Variants in PLXNB1 observed in about 807,000 individuals in gnomAD.
PLXNB1 encodes the protein plexin B1, also known as plexin-B1.
In PLXNB1, 106 loss-of-function variants were observed where a neutral mutation model predicts 209.4. The ratio of observed to expected loss-of-function variants is 0.51; its 90% CI spans 0.43 to 0.59. The LOEUF (loss-of-function observed/expected upper bound fraction) is 0.59. Ranked by LOEUF, PLXNB1 falls within the 20% of genes least tolerant of loss-of-function variation. The pLI, the probability that PLXNB1 is intolerant of heterozygous loss-of-function variation, is 0.00. For missense variants in PLXNB1, 2,357 were observed against 2,853.2 expected, an observed-to-expected ratio of 0.83 and a Z score of 3.96; for synonymous variants, 1,167 against 1,183.2, an observed-to-expected ratio of 0.99 and a Z score of 0.28.
rs368105449 is a variant in PLXNB1, at chr3:48,428,567, C to G, written c.-60+1441G>C. On this transcript the variant is annotated intron_variant, in intron 1 of 37. Coordinates refer to ENST00000296440, the MANE Select transcript of PLXNB1 (RefSeq NM_001130082.3). ...CCGCACCTGCAGAGGGGCCATAGGA[C>G]AGCCCACATTTGCCTTGCCTGCCAG... Among the ~76,000 whole-genome samples, 387 of 152,334 alleles carry G rather than the reference C, an allele frequency of 2.5e-3. 14 individuals are homozygous for G. The South Asian group carries it at 0.076, about 30-fold the overall frequency.
chr3:48,405,125 G>T lies in PLXNB1; in HGVS notation c.6304-535C>A, dbSNP rs2037235864. 6.6e-6 allele frequency among the ~76,000 whole-genome samples: 1 copy of T among 152,200 alleles called. No individual in the cohort carries two copies. Among genetic ancestry groups the T allele is most frequent in the South Asian group, 2.1e-4 (1 of 4,830 alleles). ...CTGCCTCCCCCAAGCCCCGTGCCAT[G>T]GCCCACACCATGCCGAGGAAGGCTG... On this transcript the variant is annotated intron_variant, in intron 37 of 37. Coordinates refer to ENST00000296440, the MANE Select transcript of PLXNB1 (RefSeq NM_001130082.3). The surrounding 1 kb of genome is among the most constrained non-coding windows in gnomAD (Gnocchi z 5.0).
At position 48,413,866 on chromosome 3, in the gene PLXNB1, C is replaced by T. The variant is rs927480779; in HGVS notation, c.4386+29G>A. 1 of 1,606,608 alleles carries T rather than the reference C, an allele frequency of 6.2e-7. No homozygotes were observed. Among genetic ancestry groups the T allele is most frequent in the Non-Finnish European group, 8.5e-7 (1 of 1,174,726 alleles). On this transcript the variant is annotated intron_variant, in intron 22 of 37. Transcript: ENST00000296440. This position sits in a 1 kb window ranked among gnomAD's most constrained non-coding sequence, Gnocchi z 5.4. ...GCAAGGGTTTGGCCCAGGTCAATGC[C>T]CAGCCCGGCCAGGGACCTGCCCACT...
At position 48,419,714 on chromosome 3, in the gene PLXNB1, C is replaced by G. The variant is rs1308020966; in HGVS notation, c.2572G>C (p.Gly858Arg). 1.2e-6 allele frequency: 2 copies of G among 1,611,742 alleles called. No homozygotes were observed. Among genetic ancestry groups the G allele is most frequent in the Non-Finnish European group, 8.5e-7 (1 of 1,179,718 alleles). ...GAAGTGGAGAAGGCGGGTGCGTCAC[C>G]CCCCGTCCACTCGTCCGCCTCGGGC... ...ELPEADEWTG[G>R]DAPAFSTSTL... is the part of the protein sequence containing the mutation. Residue 858 changes from glycine to arginine, a missense_variant, in exon 11 of 38, where the codon GGT becomes CGT. By Grantham distance (125) the Gly-to-Arg change is moderately radical. Coordinates refer to ENST00000296440, the MANE Select transcript of PLXNB1 (RefSeq NM_001130082.3). The surrounding 1 kb of genome is among the most constrained non-coding windows in gnomAD (Gnocchi z 5.7).
At position 48,421,359 on chromosome 3, in the gene PLXNB1, GGC is replaced by G; in HGVS notation, c.1677_1678del (p.Pro560ThrfsTer34). 1 of 1,556,182 alleles carries G rather than the reference GGC, an allele frequency of 6.4e-7. No individual in the cohort carries two copies. The highest frequency in any genetic ancestry group is 1.4e-5 in the African/African-American group (1 of 73,414). Reference sequence around the variant, plus strand: ...ATATGACTCCCCTGGCCACAGGGGTGGCAGGTCTGGCACTGATAGGAAAACCT... The same window carrying G: ...ATATGACTCCCCTGGCCACAGGGGTGAGGTCTGGCACTGATAGGAAAACCT... On this transcript the variant is annotated frameshift_variant, in exon 8 of 38. Coordinates refer to ENST00000296440, the MANE Select transcript of PLXNB1 (RefSeq NM_001130082.3). LOFTEE classifies it high-confidence loss of function.
rs749498138 is a variant in PLXNB1 at position 48,414,870 on chromosome 3, G to C, written c.4138C>G (p.Leu1380Val). Residue 1380 changes from leucine (L) to valine (V), a missense_variant, in exon 21 of 38, where the codon CTG (leucine) becomes GTG (valine). Around this residue, in one of 7 missense-constraint regions of PLXNB1, gnomAD observed 743 missense variants for 896.2 expected, o/e 0.83. Coordinates refer to ENST00000296440, the MANE Select transcript of PLXNB1 (RefSeq NM_001130082.3). ...TPFSYEADPT[L>V]QPLNPEDPTM... ...GGGTCCTCAGGGTTGAGTGGCTGCAGGGTGGGGTCGGCCTCATAGGAGAAA... is the reference window on the plus strand; with the variant it reads ...GGGTCCTCAGGGTTGAGTGGCTGCACGGTGGGGTCGGCCTCATAGGAGAAA... The C allele has an allele frequency of 3.7e-6, 6 of 1,614,084 alleles. No individual in the cohort carries two copies. Among genetic ancestry groups the C allele is most frequent in the Non-Finnish European group, 5.1e-6 (6 of 1,180,038 alleles).
rs2038315300 is a variant in PLXNB1 at position 48,419,154 on chromosome 3, C to T, written c.2832+90G>A. On this transcript the variant is annotated intron_variant, in intron 12 of 37. Transcript: ENST00000296440. This position sits in a 1 kb window ranked among gnomAD's most constrained non-coding sequence, Gnocchi z 5.7. ...TCTGGGTTGGAGTTGAGCCCTCGGA[C>T]TCTGCCCTCCTCCTGCTCCCCAGGG... 1 of 1,557,600 alleles carries T rather than the reference C, an allele frequency of 6.4e-7. No homozygotes were observed. Among genetic ancestry groups the T allele is most frequent in the Non-Finnish European group, 8.7e-7 (1 of 1,146,696 alleles).
chr3:48,422,299 C>A, intron 5 of PLXNB1, 32 bp downstream of exon 5: 2 of 1,610,696 alleles, frequency 1.2e-6, no homozygotes, highest in Non-Finnish European at 1.7e-6. Context: ...CCCCTCCCAG[C>A]AGCCATGCCC....
At position 48,424,598 on chromosome 3, in the gene PLXNB1, C is replaced by A. The variant is rs2038783671; in HGVS notation, c.14G>T (p.Gly5Val). 6.5e-7 allele frequency: 1 copy of A among 1,539,132 alleles called. No individual in the cohort carries two copies. Among genetic ancestry groups the A allele is most frequent in the Non-Finnish European group, 8.7e-7 (1 of 1,147,382 alleles). The change falls in exon 3 of 38, where the codon GGC (glycine) becomes GTC (valine). Residue 5 changes from glycine to valine, a missense_variant. Transcript: ENST00000296440. ...CCAGAGAGCCTGGAGAAGAGCTGGG[C>A]CCAGAGCAGGCATGGTCACCTGGCA... Reference protein sequence around the residue: MPALGPALLQALWAG... With the variant: MPALVPALLQALWAG...
In PLXNB1 at chr3:48,413,734, C is replaced by A. The variant is rs756068726; in HGVS notation, c.4471G>T (p.Val1491Leu). 1.9e-6 allele frequency: 3 copies of A among 1,613,654 alleles called. No homozygotes were observed. In the African/African-American group the frequency reaches 4.0e-5, roughly 22 times the overall value. ...AGAGAGGTGCCCACCCCCAAGCCCA[C>A]CTGGGCTGCCACAGGAAAAGCCCCA... ...SPGAFPVAAQ[V>L]GLGVGTSLLA... is the part of the protein sequence containing the mutation. The change falls in exon 23 of 38, where the codon GTG becomes TTG. Residue 1491 changes from valine to leucine, a missense_variant. This residue lies in a region of PLXNB1 where 743 missense variants were observed against 896.2 expected (regional missense o/e 0.83). Transcript: ENST00000296440. The surrounding 1 kb of genome is among the most constrained non-coding windows in gnomAD (Gnocchi z 5.4).
chr3:48,430,308 C>T (rs908220348), upstream of PLXNB1, among the ~76,000 whole-genome samples: 3 of 152,262 alleles, frequency 2.0e-5, no homozygotes, highest in Non-Finnish European at 4.4e-5. Flanking sequence ...GGCTCACTTC[C>T]TTCCTTTCTT....
At position 48,410,877 on chromosome 3, in the gene PLXNB1, G is replaced by T; in HGVS notation, c.5407C>A (p.Leu1803Ile). ...CTCTCCACGCCCTCACCAACATCAA[G>T]GGTGCGAGGGTCTGGCCGCTGGGTG... ...PLTQRPDPRT[L>I]DVEWRSGVAG... is the part of the protein sequence containing the mutation. The change falls in exon 29 of 38, where the codon CTT (leucine) becomes ATT (isoleucine). Residue 1803 changes from leucine to isoleucine, a missense_variant. By Grantham distance (5) the Leu-to-Ile change is conservative. Transcript: ENST00000296440. This position sits in a 1 kb window ranked among gnomAD's most constrained non-coding sequence, Gnocchi z 6.4. 1 of 1,610,886 alleles carries T rather than the reference G, an allele frequency of 6.2e-7. No individual in the cohort carries two copies. The highest frequency in any genetic ancestry group is 8.5e-7 in the Non-Finnish European group (1 of 1,178,700).
rs1457783367 is a variant in PLXNB1, at chr3:48,404,481, G to A, written c.*5C>T. The A allele has an allele frequency of 6.2e-7, 1 of 1,600,774 alleles. No homozygotes were observed. The highest frequency in any genetic ancestry group is 8.6e-7 in the Non-Finnish European group (1 of 1,169,230). ...AAGCAACAGCAGGCCGTGGCTCCTG[G>A]GTTCCTATAGATCTGTGACCTTGTT... On this transcript the variant is annotated 3_prime_UTR_variant, in exon 38 of 38. Coordinates refer to ENST00000296440, the MANE Select transcript of PLXNB1 (RefSeq NM_001130082.3).
In PLXNB1 at chr3:48,406,295, C is replaced by G. The variant is rs2037312035; in HGVS notation, c.6229-497G>C. 6.6e-6 allele frequency among the ~76,000 whole-genome samples: 1 copy of G among 152,250 alleles called. No individual in the cohort carries two copies. The highest frequency in any genetic ancestry group is 2.4e-5 in the African/African-American group (1 of 41,458). ...GGACGATGGAATTGGTGTCACCTAGCTTGTGGAGTTCTTGTGAGGATCAAA... is the reference window on the plus strand; with the variant it reads ...GGACGATGGAATTGGTGTCACCTAGGTTGTGGAGTTCTTGTGAGGATCAAA... On this transcript the variant is annotated intron_variant, in intron 36 of 37. Transcript: ENST00000296440. The surrounding 1 kb of genome is among the most constrained non-coding windows in gnomAD (Gnocchi z 4.4).
At position 48,419,731 on chromosome 3, in the gene PLXNB1, G is replaced by A. The variant is rs1425384726; in HGVS notation, c.2555C>T (p.Ala852Val). 21 of 1,610,698 alleles carry A rather than the reference G, an allele frequency of 1.3e-5. No homozygotes were observed. Among genetic ancestry groups the A allele is most frequent in the East Asian group, 2.2e-5 (1 of 44,820 alleles). The change falls in exon 11 of 38, where the codon GCG (alanine) becomes GTG (valine). Residue 852 changes from alanine (A) to valine (V), a missense_variant. Ala to Val is a moderately conservative substitution (Grantham distance 64). Around this residue, in one of 7 missense-constraint regions of PLXNB1, gnomAD observed 410 missense variants for 401.0 expected, o/e 1.02. Transcript: ENST00000296440. This position sits in a 1 kb window ranked among gnomAD's most constrained non-coding sequence, Gnocchi z 5.7. ...TGCGTCACCCCCCGTCCACTCGTCC[G>A]CCTCGGGCAGCTCGCCGCCTTCTCT... Reference protein sequence around the residue: ...LTREGGELPEADEWTGGDAPA... With the variant: ...LTREGGELPEVDEWTGGDAPA...
chr3:48,404,693 A>T, intron 37 of PLXNB1, 103 bp from the exon 38 acceptor site: 1 of 721,040 alleles, frequency 1.4e-6, no homozygotes, highest in Non-Finnish European at 2.3e-6. Flanking sequence ...GTGGGGTAGG[A>T]GGCCAAGAAA....
Position 48,424,337 on chromosome 3 carries a change from T to C in PLXNB1, c.275A>G (p.Gln92Arg). ...PVMPDECPQA[Q>R]PTNNPNQLLL... ...CAGCTGATTCGGGTTGTTGGTAGGCTGGGCCTGGGGGCACTCATCAGGCAT... is the reference window on the plus strand; with the variant it reads ...CAGCTGATTCGGGTTGTTGGTAGGCCGGGCCTGGGGGCACTCATCAGGCAT... The change falls in exon 3 of 38, where the codon CAG becomes CGG. Residue 92 changes from glutamine to arginine, a missense_variant. Gln to Arg is a conservative substitution (Grantham distance 43). Coordinates refer to ENST00000296440, the MANE Select transcript of PLXNB1 (RefSeq NM_001130082.3). 6.4e-7 allele frequency: 1 copy of C among 1,555,530 alleles called. No individual in the cohort carries two copies. Among genetic ancestry groups the C allele is most frequent in the South Asian group, 1.2e-5 (1 of 84,446 alleles).
At position 48,413,568 on chromosome 3, in the gene PLXNB1, A is replaced by T. The variant is rs1434180727; in HGVS notation, c.4535+102T>A. 1.6e-6 allele frequency: 2 copies of T among 1,249,310 alleles called. 1 individual carries two copies. The highest frequency in any genetic ancestry group is 3.1e-5 in the South Asian group (2 of 64,556). The allele number at this position is 1,249,310 out of a possible 1,614,324, so 77.4% of individuals were successfully genotyped here. On this transcript the variant is annotated intron_variant, in intron 23 of 37. Coordinates refer to ENST00000296440, the MANE Select transcript of PLXNB1 (RefSeq NM_001130082.3). The surrounding 1 kb of genome is among the most constrained non-coding windows in gnomAD (Gnocchi z 5.4). The stretch of plus-strand genomic sequence containing the variant: ...AAGCGAAAATATTTACTCTCTGGCC[A>T]TTTACAGAGAATGTTTCCTGACTCC...
rs1244187902 is a variant in PLXNB1 at position 48,424,474 on chromosome 3, G to A, written c.138C>T (p.Thr46=). The change falls in exon 3 of 38, where the codon ACC becomes ACT. Residue 46 remains threonine, a synonymous_variant. Coordinates refer to ENST00000296440, the MANE Select transcript of PLXNB1 (RefSeq NM_001130082.3). ...GGAAGTTGGTAGCCCCCAGGTAGAG[G>A]GTGCCTGAGGTGGGGTCCCTTGCCA... ...QHLARDPTSG[T]LYLGATNFLF... The A allele has an allele frequency of 1.9e-6, 3 of 1,601,410 alleles. No homozygotes were observed. Among genetic ancestry groups the A allele is most frequent in the Non-Finnish European group, 1.7e-6 (2 of 1,174,056 alleles).
At position 48,423,893 on chromosome 3, in the gene PLXNB1, T is replaced by G. The variant is rs781034719; in HGVS notation, c.719A>C (p.Gln240Pro). 11 of 1,613,894 alleles carry G rather than the reference T, an allele frequency of 6.8e-6. No individual in the cohort carries two copies. The change falls in exon 3 of 38, where the codon CAG becomes CCG. Residue 240 changes from glutamine (Q) to proline (P), a missense_variant. Physicochemically the swap from Gln to Pro is moderately conservative, Grantham distance 76. Coordinates refer to ENST00000296440, the MANE Select transcript of PLXNB1 (RefSeq NM_001130082.3). Reference protein sequence around the residue: ...FLFLRRDLQAQSRAFRAYVSR... With the variant: ...FLFLRRDLQAPSRAFRAYVSR... Reference sequence around the variant, plus strand: ...TACATAGGCACGAAAAGCTCTAGACTGAGCCTGCAGGTCCCGCCGCAGGAA... The same window carrying G: ...TACATAGGCACGAAAAGCTCTAGACGGAGCCTGCAGGTCCCGCCGCAGGAA...
Sources: gnomAD v4.1 joint callset for allele counts (sites outside exome capture counted in the v4.1 genomes callset) on GRCh38, gnomAD v4.1.1 for gene constraint, gnomAD v4.1.1 regional missense constraint, Gnocchi (gnomAD v3.1) non-coding constraint, MANE v1.5 for transcripts, NCBI Gene and HGNC (gene_info 2026-07-23, HGNC 2026-07-21) for gene names.